The following TENM2 variants were observed in gnomAD, a reference collection of about 807,000 sequenced individuals.
The protein encoded by TENM2 is teneurin-2.
In TENM2, 52 loss-of-function variants were observed where a neutral mutation model predicts 245.2. That is an observed-to-expected ratio of 0.21 (90% confidence interval 0.17 to 0.27). The LOEUF (loss-of-function observed/expected upper bound fraction) is 0.27, where lower values mean the gene tolerates loss of function less well. Ranked by LOEUF, TENM2 falls within the 10% of genes least tolerant of loss-of-function variation. TENM2 has a pLI of 1.00. For missense variants in TENM2, 3,046 were observed against 3,666.8 expected (o/e 0.83, Z 4.37); for synonymous variants, 1,363 against 1,438.9 (o/e 0.95, Z 1.19).
At chr5:167,810,594 G>A (rs1034914486) in intron 2 of TENM2, among the ~76,000 whole-genome samples, 7 of 151,526 alleles carry the variant, frequency 4.6e-5, no homozygotes, top group South Asian at 2.1e-4. Flanking sequence ...ATAATCAAGC[G>A]GAAGGTCAAG....
At chr5:167,348,336 T>C (rs1758603674) in intron 1 of TENM2, among the ~76,000 whole-genome samples, 1 of 152,158 alleles carries the variant, frequency 6.6e-6, no homozygotes, top group Non-Finnish European at 1.5e-5. Flanking sequence ...TTAAGCATTA[T>C]ATTTATATTT....
chr5:167,602,369 C>T (rs570028729), intron 2 of TENM2, among the ~76,000 whole-genome samples: 4 of 152,256 alleles, frequency 2.6e-5, no homozygotes, highest in South Asian at 2.1e-4. Flanking sequence ...CAAGACAGAA[C>T]GATGACGTGT....
At chr5:167,535,097 T>C (rs953706620) in intron 2 of TENM2, among the ~76,000 whole-genome samples, 2 of 152,000 alleles carry the variant, frequency 1.3e-5, no homozygotes, top group Non-Finnish European at 2.9e-5. Flanking sequence ...TTCAGTCTCC[T>C]TTTCTGCTTG....
chr5:167,015,395 G>A, the TENM2 span, among the ~76,000 whole-genome samples: 4 of 152,112 alleles, frequency 2.6e-5, no homozygotes, highest in African/African-American at 4.8e-5. Flanking sequence ...TTTAGCCTGC[G>A]TGTGTTTGGC....
At chr5:167,635,893 C>T (rs75084459) in intron 2 of TENM2, among the ~76,000 whole-genome samples, 3,644 of 152,000 alleles carry the variant, frequency 0.024, 222 homozygotes, top group East Asian at 0.16. Flanking sequence ...ATCCACCCGC[C>T]TCGGCCTCCC....
intron 2 of TENM2, among the ~76,000 whole-genome samples, chr5:167,543,753 G>A (rs1039977538): frequency 6.6e-6 from 1 of 152,044 alleles, no homozygotes; most frequent in African/African-American, 2.4e-5. Flanking sequence ...TCTAGCTTAC[G>A]GTGATTTGCT....
chr5:167,535,967 G>A (rs539773375), intron 2 of TENM2, among the ~76,000 whole-genome samples: 76 of 152,250 alleles, frequency 5.0e-4, no homozygotes, highest in African/African-American at 1.5e-3. Flanking sequence ...ATCTAGCTTA[G>A]GATCCCTTTG....
At chr5:167,485,319 C>G (rs1156573693) in intron 2 of TENM2, among the ~76,000 whole-genome samples, 1 of 152,168 alleles carries the variant, frequency 6.6e-6, no homozygotes, top group African/African-American at 2.4e-5. Context: ...AACATAAAAA[C>G]AGACTACAAA....
At chr5:167,167,759 T>G in the TENM2 span, among the ~76,000 whole-genome samples, 1 of 152,216 alleles carries the variant, frequency 6.6e-6, no homozygotes, top group African/African-American at 2.4e-5. Context: ...GATGACATTT[T>G]ATTTTTGCAT....
the TENM2 span, among the ~76,000 whole-genome samples, chr5:167,162,699 A>T: frequency 6.6e-6 from 1 of 152,154 alleles, no homozygotes; most frequent in East Asian, 1.9e-4. Context: ...AGCCAAAACA[A>T]TTTTTTTGTG....
intron 20 of TENM2, 34 bp from the exon 23 acceptor site, chr5:168,215,006 C>T (rs1268799958): frequency 6.3e-7 from 1 of 1,592,940 alleles, no homozygotes; most frequent in Admixed American, 1.7e-5. Flanking sequence ...CCATAGCCCC[C>T]TCCTCATTTC....
At chr5:167,778,883 A>T (rs952476039) in intron 2 of TENM2, among the ~76,000 whole-genome samples, 16 of 152,322 alleles carry the variant, frequency 1.1e-4, no homozygotes, top group Non-Finnish European at 2.1e-4. Context: ...CTTCATCAGG[A>T]TGCCTTCTAT....
the TENM2 span, among the ~76,000 whole-genome samples, chr5:167,000,049 GA>G: frequency 6.6e-6 from 1 of 152,276 alleles, no homozygotes; most frequent in South Asian, 2.1e-4. Context: ...AGGACGCTGT[GA>G]TTGTGTTAGA....
chr5:167,788,171 C>A (rs112333459), intron 2 of TENM2, among the ~76,000 whole-genome samples: 7 of 152,088 alleles, frequency 4.6e-5, no homozygotes, highest in African/African-American at 1.7e-4. Context: ...GGGTTCAGAT[C>A]CTGATTGTTA....
intron 2 of TENM2, among the ~76,000 whole-genome samples, chr5:167,702,623 GTGTTTTTT>G (rs1437739916): frequency 6.0e-5 from 9 of 149,502 alleles, no homozygotes; most frequent in Admixed American, 1.3e-4. Flanking sequence ...AAGAACTGCT[GTGTTTTTT>G]TGTTTTTTTG....
the TENM2 span, among the ~76,000 whole-genome samples, chr5:167,062,200 C>G: frequency 3.9e-5 from 6 of 152,006 alleles, no homozygotes; most frequent in South Asian, 2.1e-4. Context: ...AGTGTTTTCT[C>G]TTTGAGAGCA....
intron 1 of TENM2, among the ~76,000 whole-genome samples, chr5:167,326,857 A>T (rs1312870341): frequency 6.6e-6 from 1 of 151,698 alleles, no homozygotes; most frequent in Non-Finnish European, 1.5e-5. Context: ...TGAAAGATAC[A>T]ATACTGATGA....
intron 2 of TENM2, among the ~76,000 whole-genome samples, chr5:167,863,913 CATG>C (rs548615552): frequency 2.0e-5 from 3 of 152,256 alleles, no homozygotes; most frequent in African/African-American, 7.2e-5. Flanking sequence ...ATATGTTATC[CATG>C]TCCTAACATC....
chr5:167,197,185 A>C, the TENM2 span, among the ~76,000 whole-genome samples: 1 of 152,082 alleles, frequency 6.6e-6, no homozygotes, highest in Non-Finnish European at 1.5e-5. Flanking sequence ...AAACTCAGAG[A>C]GATTAAGTAA....
Sources: gnomAD v4.1 joint callset for allele counts (sites outside exome capture counted in the v4.1 genomes callset) on GRCh38, gnomAD v4.1.1 for gene constraint, MANE v1.5 for transcripts, NCBI Gene and HGNC (gene_info 2026-07-23, HGNC 2026-07-21) for gene names.